CHN2: variants seen among roughly 807,000 people sequenced by gnomAD.
CHN2 encodes the protein beta-chimaerin.
CHN2 carries 35 observed loss-of-function variants against 56.3 expected under a neutral mutation model. The observed-to-expected ratio is 0.62, with a 90% CI of 0.47 to 0.82. CHN2 has a LOEUF of 0.82. CHN2 is among the 40% of genes least tolerant of loss of function. CHN2 has a pLI of 0.00. For missense variants in CHN2, 491 were observed against 580.5 expected (o/e 0.85, Z 1.58); for synonymous variants, 210 against 212.8 (o/e 0.99, Z 0.12).
chr7:29,376,983 A>T (rs1437015438), intron 3 of CHN2, among the ~76,000 whole-genome samples: 1 of 152,112 alleles, frequency 6.6e-6, no homozygotes, highest in East Asian at 1.9e-4. Context: ...TTACTAATTA[A>T]CAAAGCTATT....
chr7:29,221,972 T>C (rs1785840634), intron 1 of CHN2, among the ~76,000 whole-genome samples: 1 of 152,210 alleles, frequency 6.6e-6, no homozygotes. Flanking sequence ...TTTGGACATA[T>C]ACCCAGTAAT....
intron 2 of CHN2, among the ~76,000 whole-genome samples, chr7:29,155,215 T>C (rs1794187271): frequency 6.6e-6 from 1 of 151,652 alleles, no homozygotes; most frequent in African/African-American, 2.4e-5. Context: ...TAAATGAAAA[T>C]AAAGAAGTAT....
chr7:29,482,906 C>G (rs1468096051), intron 7 of CHN2, among the ~76,000 whole-genome samples: 1 of 136,788 alleles, frequency 7.3e-6, no homozygotes, highest in Non-Finnish European at 1.5e-5. Flanking sequence ...ACTGCAAGCT[C>G]CGCCTCCCGG....
intron 6 of CHN2, among the ~76,000 whole-genome samples, chr7:29,470,206 G>C (rs576855096): frequency 1.3e-5 from 2 of 152,312 alleles, no homozygotes; most frequent in African/African-American, 4.8e-5. Flanking sequence ...ACGCTTGGTA[G>C]AGCTAGTCTT....
chr7:29,360,288 G>A (rs963169334), intron 2 of CHN2, among the ~76,000 whole-genome samples: 4 of 152,174 alleles, frequency 2.6e-5, no homozygotes, highest in Non-Finnish European at 5.9e-5. Flanking sequence ...TTGGGAGGCC[G>A]AGGCAGGCAG....
At chr7:29,213,108 A>G in intron 1 of CHN2, 1 of 1,588,038 alleles carries the variant, frequency 6.3e-7, no homozygotes, top group Non-Finnish European at 8.6e-7. Flanking sequence ...TGGAAGCTGC[A>G]GGGGAAGGCC....
chr7:29,294,937 C>T (rs989263318), intron 1 of CHN2, among the ~76,000 whole-genome samples: 3 of 152,154 alleles, frequency 2.0e-5, no homozygotes, highest in Admixed American at 1.3e-4. Flanking sequence ...CTCTTTAGAA[C>T]AAGCAAGCCA....
intron 3 of CHN2, among the ~76,000 whole-genome samples, chr7:29,373,537 G>A (rs1416053299): frequency 6.6e-6 from 1 of 152,074 alleles, no homozygotes; most frequent in Admixed American, 6.6e-5. Context: ...CCAGTGAATT[G>A]TATTCATTTT....
chr7:29,248,874 T>A (rs1400468821), intron 1 of CHN2, among the ~76,000 whole-genome samples: 1 of 152,194 alleles, frequency 6.6e-6, no homozygotes, highest in Non-Finnish European at 1.5e-5. Context: ...GAATCCTGTG[T>A]CTCTGTCATG....
chr7:29,430,476 A>C (rs1782758954), intron 6 of CHN2, among the ~76,000 whole-genome samples: 1 of 152,226 alleles, frequency 6.6e-6, no homozygotes, highest in African/African-American at 2.4e-5. Flanking sequence ...TATGGACAGC[A>C]AAAAGAAAGT....
intron 1 of CHN2, among the ~76,000 whole-genome samples, chr7:29,301,947 A>G (rs1793706857): frequency 6.6e-6 from 1 of 152,186 alleles, no homozygotes; most frequent in South Asian, 2.1e-4. Flanking sequence ...CTTTGGGGAT[A>G]GGAGGCAAAA....
rs560037337 is a variant in CHN2, at chr7:29,203,204, C to T, written c.49+8214C>T. Among the ~76,000 whole-genome samples the T allele has an allele frequency of 2.8e-4, 42 of 152,214 alleles. No homozygotes were observed. In the South Asian group the frequency reaches 3.1e-3, roughly 11 times the overall value. ...GATCTAGGCCTGGCACGGTGGCTCA[C>T]GCCTGTAATCCCAGCACTTTGGGAG... is the stretch of plus-strand genomic sequence containing the variant. On this transcript the variant is annotated intron_variant, in intron 1 of 12. Transcript: ENST00000222792.
intron 8 of CHN2, among the ~76,000 whole-genome samples, chr7:29,499,234 C>G (rs1339928374): frequency 6.6e-6 from 1 of 152,138 alleles, no homozygotes; most frequent in Non-Finnish European, 1.5e-5. Flanking sequence ...CTCAAGTACT[C>G]CTACTGGTGT....
chr7:29,257,983 C>G (rs757559819), intron 1 of CHN2, among the ~76,000 whole-genome samples: 2 of 151,912 alleles, frequency 1.3e-5, no homozygotes, highest in African/African-American at 2.4e-5. Flanking sequence ...AGGGTCTTGC[C>G]GTGTTGCCCA....
intron 2 of CHN2, among the ~76,000 whole-genome samples, chr7:29,358,238 G>T (rs1473082852): frequency 6.6e-6 from 1 of 151,990 alleles, no homozygotes; most frequent in East Asian, 1.9e-4. Context: ...ATTCCTACAA[G>T]AAAATTTGTC....
At chr7:29,364,164 G>A (rs1798959045) in intron 2 of CHN2, among the ~76,000 whole-genome samples, 1 of 152,170 alleles carries the variant, frequency 6.6e-6, no homozygotes, top group Non-Finnish European at 1.5e-5. Context: ...GGTTTCTTAA[G>A]AAGATTCAAT....
intron 2 of CHN2, among the ~76,000 whole-genome samples, chr7:29,157,238 AG>A (rs1391001969): frequency 6.6e-6 from 1 of 152,200 alleles, no homozygotes; most frequent in Admixed American, 6.5e-5. Context: ...GAGGAAAAAA[AG>A]AATGAGATGC....
intron 1 of CHN2, among the ~76,000 whole-genome samples, chr7:29,352,805 A>G (rs1456138802): frequency 2.0e-5 from 3 of 152,200 alleles, no homozygotes; most frequent in African/African-American, 7.2e-5. Context: ...GTGGCATTGT[A>G]TGGATGGGAC....
intron 7 of CHN2, among the ~76,000 whole-genome samples, chr7:29,493,711 T>C (rs940805588): frequency 3.3e-5 from 5 of 152,178 alleles, no homozygotes; most frequent in African/African-American, 1.2e-4. Flanking sequence ...ATAAATTCTG[T>C]CTTCAAAATA....
Sources: allele counts gnomAD v4.1 joint callset (sites outside exome capture counted in the v4.1 genomes callset), GRCh38; gene constraint gnomAD v4.1.1; transcripts MANE v1.5; gene names NCBI Gene and HGNC (gene_info 2026-07-23, HGNC 2026-07-21).